Variants in PLK1 observed in about 807,000 individuals in gnomAD.
PLK1 encodes the protein serine/threonine-protein kinase PLK1.
In PLK1, 6 loss-of-function variants were observed where a neutral mutation model predicts 56.7. The observed-to-expected ratio is 0.11, with a 90% CI of 0.06 to 0.21. PLK1 has a LOEUF of 0.21. PLK1 is among the 10% of genes least tolerant of loss of function. The pLI is 1.00. For synonymous variants in PLK1, 298 were observed against 325.0 expected (o/e 0.92, Z 0.89); for missense variants, 546 against 814.4 (o/e 0.67, Z 4.01).
rs1241134783 is a variant in PLK1, at chr16:23,679,053, C to T, written c.121C>T (p.Pro41Ser). Residue 41 changes from proline to serine, a missense_variant, in exon 1 of 10, where the codon CCG becomes TCG. By Grantham distance (74) the Pro-to-Ser change is moderately conservative (BLOSUM62 -1). Around this residue, in one of 7 missense-constraint regions of PLK1, gnomAD observed 72 missense variants for 63.7 expected, o/e 1.13. Transcript: ENST00000300093. ...PAAAPPAKEIPEVLVDPRSRR... is the reference protein window; with the variant it reads ...PAAAPPAKEISEVLVDPRSRR... ...GGCGGCTCCACCGGCGAAAGAGATCCCGGAGGTCCTAGTGGACCCACGCAG... is the reference window on the plus strand; with the variant it reads ...GGCGGCTCCACCGGCGAAAGAGATCTCGGAGGTCCTAGTGGACCCACGCAG... 6.2e-7 allele frequency: 1 copy of T among 1,607,710 alleles called. No individual in the cohort carries two copies. Among genetic ancestry groups the T allele is most frequent in the East Asian group, 2.2e-5 (1 of 44,710 alleles).
At chr16:23,684,626 C>CA (rs1959395489) in intron 5 of PLK1, among the ~76,000 whole-genome samples, 1 of 152,186 alleles carries the variant, frequency 6.6e-6, no homozygotes, top group South Asian at 2.1e-4. Flanking sequence ...GTTGGGATGA[C>CA]AGGCATGAGC....
intron 5 of PLK1, among the ~76,000 whole-genome samples, chr16:23,685,004 C>T (rs1383698144): frequency 1.1e-5 from 1 of 91,592 alleles, no homozygotes; most frequent in African/African-American, 4.1e-5. Flanking sequence ...TTTTTTGAGA[C>T]AGGGTCTGGC....
At chr16:23,687,357 C>G in intron 5 of PLK1, 112 bp from the exon 6 acceptor site, 1 of 843,280 alleles carries the variant, frequency 1.2e-6, no homozygotes, top group Non-Finnish European at 1.8e-6. Flanking sequence ...GGCACTGATT[C>G]AGTTTCCCCA....
chr16:23,682,214 G>A, intron 4 of PLK1, 57 bp downstream of exon 4: 2 of 970,532 alleles, frequency 2.1e-6, no homozygotes, highest in Non-Finnish European at 3.3e-6. Context: ...AGCTGTTTAT[G>A]GAGCCCAGCA....
At chr16:23,681,949 G>T in intron 3 of PLK1, 115 bp from the exon 4 acceptor site, 1 of 669,254 alleles carries the variant, frequency 1.5e-6, no homozygotes. Flanking sequence ...AGGGGCCCCA[G>T]AGTTAGAGTG....
In PLK1 at chr16:23,678,991, C is replaced by G. The variant is rs1232261739; in HGVS notation, c.59C>G (p.Ala20Gly). The G allele has an allele frequency of 1.9e-6, 3 of 1,600,732 alleles. No homozygotes were observed. Among genetic ancestry groups the G allele is most frequent in the Admixed American group, 3.4e-5 (2 of 58,666 alleles). ...CGGGCACCGGCCGACCCTGGGAAAG[C>G]CGGGGTCCCCGGAGTTGCAGCTCCC... ...LARAPADPGK[A>G]GVPGVAAPGA... Residue 20 changes from alanine to glycine, a missense_variant, in exon 1 of 10, where the codon GCC becomes GGC. Ala to Gly is a moderately conservative substitution (Grantham distance 60). This residue lies in a region of PLK1 where 72 missense variants were observed against 63.7 expected (regional missense o/e 1.13). Coordinates refer to ENST00000300093, the MANE Select transcript of PLK1 (RefSeq NM_005030.6).
chr16:23,680,617 G>A (rs1959315973), intron 2 of PLK1, among the ~76,000 whole-genome samples: 1 of 152,190 alleles, frequency 6.6e-6, no homozygotes, highest in Non-Finnish European at 1.5e-5. Context: ...GACTTGCCAA[G>A]TCTTGGAGGT....
intron 5 of PLK1, among the ~76,000 whole-genome samples, chr16:23,684,438 C>T (rs539392193): frequency 6.6e-6 from 1 of 152,298 alleles, no homozygotes; most frequent in East Asian, 1.9e-4. Flanking sequence ...CTGCAGCTTT[C>T]AACTCTAGGG....
rs754834039 is a variant in PLK1, at chr16:23,683,999, A to G, written c.946A>G (p.Ile316Val). Residue 316 changes from isoleucine to valine, a missense_variant, in exon 5 of 10, where the codon ATC (isoleucine) becomes GTC (valine). Physicochemically the swap from Ile to Val is conservative, Grantham distance 29. Around this residue, in one of 7 missense-constraint regions of PLK1, gnomAD observed 157 missense variants for 184.0 expected, o/e 0.85. Coordinates refer to ENST00000300093, the MANE Select transcript of PLK1 (RefSeq NM_005030.6). ...TSGYIPARLP[I>V]TCLTIPPRFS... ...TGGCTATATCCCTGCCCGTCTCCCC[A>G]TCACCTGCCTGACCATTCCACCAAG... is the stretch of plus-strand genomic sequence containing the variant. 6.2e-7 allele frequency: 1 copy of G among 1,614,124 alleles called. No homozygotes were observed. The highest frequency in any genetic ancestry group is 8.5e-7 in the Non-Finnish European group (1 of 1,180,006).
intron 3 of PLK1, among the ~76,000 whole-genome samples, chr16:23,681,351 T>C (rs2140997956): frequency 6.6e-6 from 1 of 152,326 alleles, no homozygotes; most frequent in East Asian, 1.9e-4. Flanking sequence ...ATCACCATCA[T>C]CTGGGAACTT....
chr16:23,681,131 C>A, intron 3 of PLK1, 73 bp downstream of exon 3: 3 of 1,377,926 alleles, frequency 2.2e-6, no homozygotes, highest in East Asian at 4.7e-5. Context: ...CCTGGCTGAC[C>A]TTTTCTGTGG....
chr16:23,679,770 G>C, intron 1 of PLK1: 1 of 312,618 alleles, frequency 3.2e-6, no homozygotes, highest in Non-Finnish European at 6.0e-6. Flanking sequence ...AGTCAGGAAA[G>C]GGATCTGGTG....
In PLK1 at chr16:23,678,957, A is replaced by G. The variant is rs1438981347; in HGVS notation, c.25A>G (p.Lys9Glu). 1 of 1,573,446 alleles carries G rather than the reference A, an allele frequency of 6.4e-7. No homozygotes were observed. Residue 9 changes from lysine (K) to glutamate (E), a missense_variant, in exon 1 of 10, where the codon AAG becomes GAG. Physicochemically the swap from Lys to Glu is moderately conservative, Grantham distance 56. Coordinates refer to ENST00000300093, the MANE Select transcript of PLK1 (RefSeq NM_005030.6). Reference sequence around the variant, plus strand: ...CATGAGTGCTGCAGTGACTGCAGGGAAGCTGGCACGGGCACCGGCCGACCC... The same window carrying G: ...CATGAGTGCTGCAGTGACTGCAGGGGAGCTGGCACGGGCACCGGCCGACCC... MSAAVTAG[K>E]LARAPADPGK...
Position 23,678,907 on chromosome 16 carries a change from G to A in PLK1, c.-26G>A. ...GCGGTGCGGAGGCTCTGCTCGGATCGAGGTCTGCAGCGCAGCTTCGGGAGC... is the reference window on the plus strand; with the variant it reads ...GCGGTGCGGAGGCTCTGCTCGGATCAAGGTCTGCAGCGCAGCTTCGGGAGC... On this transcript the variant is annotated 5_prime_UTR_variant, in exon 1 of 10. Transcript: ENST00000300093. The A allele has an allele frequency of 1.4e-6, 2 of 1,473,846 alleles. No homozygotes were observed. The highest frequency in any genetic ancestry group is 9.0e-7 in the Non-Finnish European group (1 of 1,110,742). The allele number at this position is 1,473,846 out of a possible 1,614,324, so 91.3% of individuals were successfully genotyped here. A position where few individuals can be genotyped will look rare whatever the true frequency, so the allele number is the denominator to read the frequency against.
At chr16:23,687,341 T>C (rs187482493) in intron 5 of PLK1, 128 bp from the exon 6 acceptor site, 1 of 700,240 alleles carries the variant, frequency 1.4e-6, no homozygotes, top group East Asian at 2.9e-5. Flanking sequence ...GCTGCTCTAG[T>C]AACCAGGCAC....
Position 23,687,570 on chromosome 16 carries a change from C to A in PLK1, c.1138C>A (p.Gln380Lys). ...VDCHLSDMLQ[Q>K]LHSVNASKPS... ...CTGCCACCTCAGTGACATGCTGCAG[C>A]AGCTGCACAGTGTCAATGCCTCCAA... The change falls in exon 6 of 10, where the codon CAG becomes AAG. Residue 380 changes from glutamine (Q) to lysine (K), a missense_variant. Physicochemically the swap from Gln to Lys is moderately conservative, Grantham distance 53. Coordinates refer to ENST00000300093, the MANE Select transcript of PLK1 (RefSeq NM_005030.6). 1 of 1,603,832 alleles carries A rather than the reference C, an allele frequency of 6.2e-7. No individual in the cohort carries two copies. Among genetic ancestry groups the A allele is most frequent in the South Asian group, 1.1e-5 (1 of 89,300 alleles).
chr16:23,687,455 T>C lies in PLK1; in HGVS notation c.1037-14T>C. The stretch of plus-strand genomic sequence containing the variant: ...GTGCCCTTCCCAACGCCCCTGTTTT[T>C]GTCACCTTCCTAGGCTTGGAGAACC... On this transcript the variant is annotated splice_polypyrimidine_tract_variant and intron_variant, in intron 5 of 9. Coordinates refer to ENST00000300093, the MANE Select transcript of PLK1 (RefSeq NM_005030.6). The C allele has an allele frequency of 6.5e-7, 1 of 1,543,600 alleles. No homozygotes were observed. The highest frequency in any genetic ancestry group is 8.8e-7 in the Non-Finnish European group (1 of 1,134,818).
In PLK1 at chr16:23,689,801, T is replaced by C; in HGVS notation, c.1609-59T>C. On this transcript the variant is annotated intron_variant, in intron 9 of 9. Coordinates refer to ENST00000300093, the MANE Select transcript of PLK1 (RefSeq NM_005030.6). The surrounding 1 kb of genome is among the most constrained non-coding windows in gnomAD (Gnocchi z 4.8). Reference sequence around the variant, plus strand: ...CCTATAACCTGTTGTGTCTTCCCTCTACTCCCTAACATACACTGGCCTCTG... The same window carrying C: ...CCTATAACCTGTTGTGTCTTCCCTCCACTCCCTAACATACACTGGCCTCTG... The C allele has an allele frequency of 1.3e-6, 2 of 1,544,520 alleles. No individual in the cohort carries two copies. Among genetic ancestry groups the C allele is most frequent in the Non-Finnish European group, 1.8e-6 (2 of 1,120,112 alleles).
chr16:23,680,949 G>T lies in PLK1; in HGVS notation c.613G>T (p.Gly205Trp), dbSNP rs779641699. 6 of 1,611,972 alleles carry T rather than the reference G, an allele frequency of 3.7e-6. No individual in the cohort carries two copies. Among genetic ancestry groups the T allele is most frequent in the Non-Finnish European group, 4.2e-6 (5 of 1,179,192 alleles). Residue 205 changes from glycine to tryptophan, a missense_variant, in exon 3 of 10, where the codon GGG becomes TGG. By Grantham distance (184) the Gly-to-Trp change is radical (BLOSUM62 -2). Transcript: ENST00000300093. ...ACTGGCAACCAAAGTCGAATATGAC[G>T]GGGAGAGGAAGAAGACCCTGTGTGG... is the stretch of plus-strand genomic sequence containing the variant. The part of the protein sequence containing the change: ...FGLATKVEYD[G>W]ERKKTLCGTP...
Sources: gnomAD v4.1 joint callset for allele counts (sites outside exome capture counted in the v4.1 genomes callset) on GRCh38, gnomAD v4.1.1 for gene constraint, gnomAD v4.1.1 regional missense constraint, Gnocchi (gnomAD v3.1) non-coding constraint, MANE v1.5 for transcripts, NCBI Gene and HGNC (gene_info 2026-07-23, HGNC 2026-07-21) for gene names.